Variants in PPIP5K2 observed in about 807,000 individuals in gnomAD.
The protein encoded by PPIP5K2 is diphosphoinositol pentakisphosphate kinase 2, also known as inositol hexakisphosphate and diphosphoinositol-pentakisphosphate kinase 2.
PPIP5K2 carries 105 observed loss-of-function variants against 154.6 expected under a neutral mutation model. That is an observed-to-expected ratio of 0.68 (90% CI 0.58 to 0.80). PPIP5K2 has a LOEUF of 0.80. Ranked by LOEUF, PPIP5K2 falls within the 30% of genes least tolerant of loss-of-function variation. The probability of loss-of-function intolerance (pLI) is 0.00; values close to 1 mark genes in which losing one functional copy is unlikely to be tolerated. For synonymous variants in PPIP5K2, 480 were observed against 490.3 expected (o/e 0.98, Z 0.28); for missense variants, 992 against 1,504.6 (o/e 0.66, Z 5.64).
At chr5:103,140,705 C>T (rs1026477354) in intron 5 of PPIP5K2, among the ~76,000 whole-genome samples, 6 of 151,314 alleles carry the variant, frequency 4.0e-5, no homozygotes, top group Non-Finnish European at 7.4e-5. Context: ...GGCGCAGTGG[C>T]GGGCGCCTGT....
intron 14 of PPIP5K2, among the ~76,000 whole-genome samples, chr5:103,156,790 T>G (rs1795484502): frequency 1.3e-5 from 2 of 152,136 alleles, no homozygotes; most frequent in South Asian, 4.1e-4. Flanking sequence ...CTTATCAGGA[T>G]CTAACCCAAA....
chr5:103,203,857 A>G lies in PPIP5K2; in HGVS notation c.*2223A>G, dbSNP rs937244351. On this transcript the variant is annotated 3_prime_UTR_variant, in exon 31 of 31. Coordinates refer to ENST00000358359, the MANE Select transcript of PPIP5K2 (RefSeq NM_001276277.3). ...GTTACGTAGTCCATTCTCAAATACT[A>G]GCAAATTTGGGGGGCGTGGTACAGC... 1.3e-5 allele frequency: 2 copies of G among 152,108 alleles called. No individual in the cohort carries two copies. The highest frequency in any genetic ancestry group is 2.4e-5 in the African/African-American group (1 of 41,440). The allele number at this position is 152,108 out of a possible 1,614,324, so 9.4% of individuals were successfully genotyped here. A position where few individuals can be genotyped will look rare whatever the true frequency, so the allele number is the denominator to read the frequency against.
At chr5:103,195,526 G>A (rs574597722) in intron 30 of PPIP5K2, among the ~76,000 whole-genome samples, 107 of 152,194 alleles carry the variant, frequency 7.0e-4, no homozygotes, top group South Asian at 1.4e-3. Context: ...GTCTGACTAT[G>A]TGACTACCAA....
At chr5:103,157,882 TA>T in intron 14 of PPIP5K2, among the ~76,000 whole-genome samples, 1 of 152,252 alleles carries the variant, frequency 6.6e-6, no homozygotes, top group East Asian at 1.9e-4. Flanking sequence ...AAAAAATTAC[TA>T]TGAGAGCAGG....
At chr5:103,136,030 G>A (rs1554204062) in intron 3 of PPIP5K2, 1 of 132,706 alleles carries the variant, frequency 7.5e-6, no homozygotes, top group Admixed American at 8.3e-5. Context: ...GGAGTACAAT[G>A]GCACGATCTC....
At chr5:103,182,165 A>G (rs1419038778) in intron 24 of PPIP5K2, among the ~76,000 whole-genome samples, 2 of 152,270 alleles carry the variant, frequency 1.3e-5, no homozygotes, top group African/African-American at 4.8e-5. Context: ...TAAGCAATCT[A>G]TAGTTCATCA....
chr5:103,169,667 T>C (rs1797665101), intron 19 of PPIP5K2, among the ~76,000 whole-genome samples: 1 of 151,772 alleles, frequency 6.6e-6, no homozygotes, highest in African/African-American at 2.4e-5. Flanking sequence ...TAGAAGAGTA[T>C]GAAAATATCT....
At chr5:103,197,852 A>G (rs1802357079) in intron 30 of PPIP5K2, among the ~76,000 whole-genome samples, 1 of 151,834 alleles carries the variant, frequency 6.6e-6, no homozygotes, top group Non-Finnish European at 1.5e-5. Flanking sequence ...TCCTGGGATT[A>G]CAGGTGTGAG....
rs1488880855 is a variant in PPIP5K2, at chr5:103,209,449, C to A, written c.*7815C>A. 1.3e-5 allele frequency: 2 copies of A among 152,048 alleles called. No individual in the cohort carries two copies. The highest frequency in any genetic ancestry group is 4.8e-5 in the African/African-American group (2 of 41,402). 9.4% of individuals were successfully genotyped at this position (152,048 alleles called of 1,614,324 possible). ...AAAATCAAGGATACCATCCCACCCA[C>A]CTATCTTACATTTTGTGTGGTATGA... On this transcript the variant is annotated 3_prime_UTR_variant, in exon 31 of 31. Transcript: ENST00000358359.
chr5:103,193,749 A>G (rs142244230), intron 29 of PPIP5K2, among the ~76,000 whole-genome samples: 1 of 152,290 alleles, frequency 6.6e-6, no homozygotes, highest in African/African-American at 2.4e-5. Flanking sequence ...CAACCAGCAA[A>G]GGCACATTTG....
chr5:103,126,054 C>T (rs1789616210), intron 1 of PPIP5K2, among the ~76,000 whole-genome samples: 1 of 152,130 alleles, frequency 6.6e-6, no homozygotes, highest in Admixed American at 6.5e-5. Context: ...GGAAATATGC[C>T]AAGCATACTT....
intron 1 of PPIP5K2, among the ~76,000 whole-genome samples, chr5:103,126,744 C>T (rs1476581339): frequency 3.1e-5 from 4 of 129,908 alleles, no homozygotes; most frequent in Non-Finnish European, 5.0e-5. Context: ...AGCCTTTTCA[C>T]GTTTTTTTTT....
intron 1 of PPIP5K2, among the ~76,000 whole-genome samples, chr5:103,126,629 C>G (rs1554200807): frequency 6.6e-6 from 1 of 152,094 alleles, no homozygotes. Flanking sequence ...AGCATGGAAG[C>G]CAATCCGAGT....
chr5:103,127,611 A>G (rs1789909021), intron 1 of PPIP5K2, among the ~76,000 whole-genome samples: 1 of 152,170 alleles, frequency 6.6e-6, no homozygotes, highest in Non-Finnish European at 1.5e-5. Flanking sequence ...GTTCATGGAA[A>G]CTATGGTTTA....
chr5:103,144,297 T>A (rs1554208408), intron 5 of PPIP5K2, among the ~76,000 whole-genome samples: 2 of 151,932 alleles, frequency 1.3e-5, no homozygotes, highest in East Asian at 1.9e-4. Context: ...CACAAAAAAA[T>A]GGAAAAATAC....
chr5:103,168,669 C>G (rs1490870090), intron 19 of PPIP5K2, among the ~76,000 whole-genome samples: 1 of 151,712 alleles, frequency 6.6e-6, no homozygotes, highest in Non-Finnish European at 1.5e-5. Flanking sequence ...ACTGATGAAC[C>G]TACATTGACA....
chr5:103,142,056 C>G (rs1465023772), intron 5 of PPIP5K2, among the ~76,000 whole-genome samples: 3 of 152,182 alleles, frequency 2.0e-5, no homozygotes, highest in Admixed American at 6.5e-5. Context: ...CTTGGGTGGT[C>G]GATGGGACTG....
chr5:103,173,259 C>T lies in PPIP5K2; in HGVS notation c.2391C>T (p.Asp797=). Residue 797 remains aspartate, a synonymous_variant, in exon 20 of 31, where the codon GAC becomes GAT. Transcript: ENST00000358359. ...ACCTTCAGAGGACACAAGATGATGA[C>T]ACTGTAAATAAACTTCATCCTGTGT... is the stretch of plus-strand genomic sequence containing the variant. ...RSDLQRTQDD[D]TVNKLHPVYS... The T allele has an allele frequency of 1.9e-6, 3 of 1,611,466 alleles. No homozygotes were observed. The highest frequency in any genetic ancestry group is 2.5e-6 in the Non-Finnish European group (3 of 1,178,346).
At position 103,168,220 on chromosome 5, in the gene PPIP5K2, T is replaced by C; in HGVS notation, c.2211T>C (p.Asn737=). ...GTATAAAATATGATGTCCAGCATAA[T>C]GGTTCCTTGAAATTAGAAAACACAA... ...YDCIKYDVQH[N]GSLKLENTME... Residue 737 remains asparagine, a synonymous_variant, in exon 19 of 31, where the codon AAT becomes AAC. Coordinates refer to ENST00000358359, the MANE Select transcript of PPIP5K2 (RefSeq NM_001276277.3). The C allele has an allele frequency of 6.2e-7, 1 of 1,610,164 alleles. No homozygotes were observed. Among genetic ancestry groups the C allele is most frequent in the Non-Finnish European group, 8.5e-7 (1 of 1,177,186 alleles).
Sources: gnomAD v4.1 joint callset for allele counts (sites outside exome capture counted in the v4.1 genomes callset) on GRCh38, gnomAD v4.1.1 for gene constraint, MANE v1.5 for transcripts, NCBI Gene and HGNC (gene_info 2026-07-23, HGNC 2026-07-21) for gene names.